Variants in HMGA2 observed in about 807,000 individuals in gnomAD.
The protein encoded by HMGA2 is high mobility group protein HMGI-C.
A neutral mutation model predicts 19.1 loss-of-function variants in HMGA2; 8 were observed. That is an observed-to-expected ratio of 0.42 (90% CI 0.25 to 0.76). The LOEUF (loss-of-function observed/expected upper bound fraction) is 0.76. Ranked by LOEUF, HMGA2 falls within the 30% of genes least tolerant of loss-of-function variation. HMGA2 has a pLI of 0.28. For synonymous variants in HMGA2, 60 were observed against 48.8 expected (o/e 1.23, Z -0.96); for missense variants, 109 against 136.3 (o/e 0.80, Z 1.00).
At chr12:65,864,962 C>T (rs1872312785) in intron 3 of HMGA2, among the ~76,000 whole-genome samples, 2 of 152,294 alleles carry the variant, frequency 1.3e-5, no homozygotes, top group South Asian at 2.1e-4. Context: ...CCTGCCTCCT[C>T]TTCCACCTCT....
intron 3 of HMGA2, among the ~76,000 whole-genome samples, chr12:65,919,295 C>T (rs1875219069): frequency 1.3e-5 from 2 of 152,054 alleles, no homozygotes; most frequent in South Asian, 2.1e-4. Flanking sequence ...TACATAAAAC[C>T]GTATCACTAA....
In HMGA2 at chr12:65,825,121, T is replaced by A; in HGVS notation, c.-150T>A. ...GTTGATGGTGGCAGCGGCGGCAGCCTAAGCAACAGCAGCCCTCGCAGCCCG... is the reference window on the plus strand; with the variant it reads ...GTTGATGGTGGCAGCGGCGGCAGCCAAAGCAACAGCAGCCCTCGCAGCCCG... On this transcript the variant is annotated 5_prime_UTR_variant, in exon 1 of 5. The change abolishes the stop of an existing upstream ORF in the 5' untranslated region. Transcript: ENST00000403681. The surrounding 1 kb of genome is among the most constrained non-coding windows in gnomAD (Gnocchi z 4.4). 1 of 584,432 alleles carries A rather than the reference T, an allele frequency of 1.7e-6. No individual in the cohort carries two copies. The highest frequency in any genetic ancestry group is 3.4e-5 in the East Asian group (1 of 29,230). 36.2% of individuals were successfully genotyped at this position (584,432 alleles called of 1,614,324 possible).
In HMGA2 at chr12:65,959,913, G is replaced by A. The variant is rs34924969; in HGVS notation, c.283-3332G>A. 1.9e-3 allele frequency among the ~76,000 whole-genome samples: 295 copies of A among 151,870 alleles called. 2 individuals are homozygous for A. Among genetic ancestry groups the A allele is most frequent in the African/African-American group, 6.7e-3 (277 of 41,360 alleles). On this transcript the variant is annotated intron_variant, in intron 4 of 4. Coordinates refer to ENST00000403681, the MANE Select transcript of HMGA2 (RefSeq NM_003483.6). The stretch of plus-strand genomic sequence containing the variant: ...CTTTTTTTTTCTTTTTATTTGAGAC[G>A]GAGTCTTGCTCTGTCGCCCAGGCTG...
chr12:65,952,337 T>A (rs1407963477), intron 4 of HMGA2: 1 of 1,527,248 alleles, frequency 6.5e-7, no homozygotes, highest in South Asian at 1.2e-5. Context: ...CAAATCTACC[T>A]TGCATCCTGT....
chr12:65,857,341 A>G (rs1330026865), intron 3 of HMGA2: 3 of 152,218 alleles, frequency 2.0e-5, no homozygotes, highest in Non-Finnish European at 4.4e-5. Flanking sequence ...GAGCACCAGC[A>G]CTGTATTTGT....
intron 3 of HMGA2, among the ~76,000 whole-genome samples, chr12:65,847,605 G>A (rs958907107): frequency 2.0e-5 from 3 of 152,178 alleles, no homozygotes; most frequent in Admixed American, 2.0e-4. Flanking sequence ...CCTGGGTTCA[G>A]GTATCAGCTT....
chr12:65,919,218 T>A (rs1042889953), intron 3 of HMGA2, among the ~76,000 whole-genome samples: 7 of 152,194 alleles, frequency 4.6e-5, no homozygotes, highest in African/African-American at 1.4e-4. Context: ...ACTGGCGCCC[T>A]GAAAAACCAG....
intron 3 of HMGA2, chr12:65,915,635 A>T (rs901334740): frequency 1.2e-6 from 1 of 803,112 alleles, no homozygotes; most frequent in Non-Finnish European, 1.5e-6. Flanking sequence ...TGTCAGTAAC[A>T]TTTCATTCCC....
chr12:65,915,196 A>G (rs1875038142), intron 3 of HMGA2: 3 of 1,607,578 alleles, frequency 1.9e-6, no homozygotes, highest in East Asian at 4.5e-5. Context: ...TGTCCATTAC[A>G]TCTATGAGCC....
chr12:65,899,662 G>T (rs1874292023), intron 3 of HMGA2, among the ~76,000 whole-genome samples: 1 of 152,224 alleles, frequency 6.6e-6, no homozygotes, highest in Non-Finnish European at 1.5e-5. Flanking sequence ...CTGCATTCTA[G>T]ACATTTTATC....
intron 2 of HMGA2, 180 bp downstream of exon 2, chr12:65,828,267 C>T: frequency 5.4e-6 from 3 of 559,050 alleles, no homozygotes; most frequent in Middle Eastern, 3.1e-4. Context: ...AGCAGATGCT[C>T]AGCATAAAAA....
At chr12:65,956,305 G>A (rs892310054) in intron 4 of HMGA2, 1 of 152,162 alleles carries the variant, frequency 6.6e-6, no homozygotes, top group African/African-American at 2.4e-5. Flanking sequence ...TCATATCAAA[G>A]GTTGCCCTAA....
intron 3 of HMGA2, among the ~76,000 whole-genome samples, chr12:65,925,770 C>T (rs550766425): frequency 4.4e-5 from 6 of 136,176 alleles, no homozygotes; most frequent in African/African-American, 1.5e-4. Flanking sequence ...TGAGAGAATG[C>T]GGATCTCGGG....
chr12:65,927,297 C>A (rs1390584021), intron 3 of HMGA2, among the ~76,000 whole-genome samples: 1 of 152,162 alleles, frequency 6.6e-6, no homozygotes, highest in Non-Finnish European at 1.5e-5. Flanking sequence ...ATCCTGTGAG[C>A]TACCATCCAC....
intron 3 of HMGA2, chr12:65,882,122 C>T (rs764826488): frequency 3.0e-5 from 14 of 468,168 alleles, no homozygotes; most frequent in Non-Finnish European, 5.1e-5. Context: ...CAAAAGCAAC[C>T]TTAGTCAATG....
chr12:65,875,146 C>A (rs1872919075), intron 3 of HMGA2, among the ~76,000 whole-genome samples: 1 of 152,040 alleles, frequency 6.6e-6, no homozygotes, highest in Admixed American at 6.6e-5. Context: ...CCAAAGTAGT[C>A]CCAAATTAAT....
At chr12:65,835,457 T>C (rs1464076172) in intron 2 of HMGA2, among the ~76,000 whole-genome samples, 1 of 152,218 alleles carries the variant, frequency 6.6e-6, no homozygotes, top group Non-Finnish European at 1.5e-5. Context: ...TTCTTCTAGA[T>C]GTAGTCTCAG....
intron 3 of HMGA2, among the ~76,000 whole-genome samples, chr12:65,850,208 T>G (rs1248258395): frequency 6.6e-6 from 1 of 152,210 alleles, no homozygotes; most frequent in Non-Finnish European, 1.5e-5. Context: ...TTTTCTAACA[T>G]GTAGTCCCCC....
intron 3 of HMGA2, among the ~76,000 whole-genome samples, chr12:65,864,932 C>A (rs1302480682): frequency 6.6e-6 from 1 of 152,136 alleles, no homozygotes; most frequent in Non-Finnish European, 1.5e-5. Flanking sequence ...GTGAAAGTTA[C>A]ACTGAGTGCT....
Sources: allele counts gnomAD v4.1 joint callset (sites outside exome capture counted in the v4.1 genomes callset), GRCh38; gene constraint gnomAD v4.1.1; non-coding constraint Gnocchi (gnomAD v3.1); transcripts MANE v1.5; gene names NCBI Gene and HGNC (gene_info 2026-07-23, HGNC 2026-07-21).